LRRFIP1: variants seen among roughly 807,000 people sequenced by gnomAD.
LRRFIP1 encodes the protein LRR binding FLII interacting protein 1, also known as leucine-rich repeat flightless-interacting protein 1.
LRRFIP1 carries 62 observed loss-of-function variants against 104.4 expected under a neutral mutation model. The ratio of observed to expected loss-of-function variants is 0.59; its 90% CI spans 0.48 to 0.73. The LOEUF (loss-of-function observed/expected upper bound fraction) is 0.73, where lower values mean the gene tolerates loss of function less well. LRRFIP1 is among the 30% of genes least tolerant of loss of function. LRRFIP1 has a pLI of 0.00. For missense variants in LRRFIP1, 796 were observed against 824.5 expected (o/e 0.97, Z 0.42); for synonymous variants, 300 against 299.0 (o/e 1.00, Z -0.03).
intron 1 of LRRFIP1, among the ~76,000 whole-genome samples, chr2:237,668,308 T>C (rs546529732): frequency 6.6e-5 from 10 of 152,194 alleles, no homozygotes; most frequent in African/African-American, 1.4e-4. Context: ...AGCCTTGGGA[T>C]TGAAAACAGC....
At chr2:237,775,642 G>A (rs1468564182) in intron 23 of LRRFIP1, among the ~76,000 whole-genome samples, 1 of 152,136 alleles carries the variant, frequency 6.6e-6, no homozygotes, top group Non-Finnish European at 1.5e-5. Context: ...GACCAGTGTG[G>A]GCAACATAGT....
At position 237,772,954 on chromosome 2, in the gene LRRFIP1, A is replaced by G. The variant is rs2060775850; in HGVS notation, c.1707+9A>G. 1.2e-6 allele frequency: 2 copies of G among 1,606,110 alleles called. No individual in the cohort carries two copies. The highest frequency in any genetic ancestry group is 1.1e-5 in the South Asian group (1 of 90,868). On this transcript the variant is annotated intron_variant, in intron 22 of 23. Coordinates refer to ENST00000308482, the MANE Select transcript of LRRFIP1 (RefSeq NM_001137550.2). ...CTGCATTAGAACAAAATGTACGTGT[A>G]AGCAACAACGGGCAGAACTGATGAT...
At position 237,772,862 on chromosome 2, in the gene LRRFIP1, T is replaced by G. The variant is rs374137197; in HGVS notation, c.1628-4T>G. The G allele has an allele frequency of 3.7e-6, 6 of 1,609,992 alleles. No individual in the cohort carries two copies. The African/African-American group carries it at 6.7e-5, about 18-fold the overall frequency. The stretch of plus-strand genomic sequence containing the variant: ...ACAGATTTTCCTTCTCTTTCAACCT[T>G]TAGGGGATGCCAACAGACAGATCAG... On this transcript the variant is annotated splice_region_variant and splice_polypyrimidine_tract_variant and intron_variant, in intron 21 of 23. Coordinates refer to ENST00000308482, the MANE Select transcript of LRRFIP1 (RefSeq NM_001137550.2).
At chr2:237,737,272 C>G (rs1416420857) in intron 10 of LRRFIP1, among the ~76,000 whole-genome samples, 1 of 152,206 alleles carries the variant, frequency 6.6e-6, no homozygotes, top group Non-Finnish European at 1.5e-5. Flanking sequence ...AACATGTACC[C>G]CCTTTCCTAG....
rs1342925695 is a variant in LRRFIP1, at chr2:237,661,233, C to G, written c.96+33493C>G. On this transcript the variant is annotated intron_variant, in intron 1 of 23. Transcript: ENST00000308482. The surrounding 1 kb of genome is among the most constrained non-coding windows in gnomAD (Gnocchi z 4.4). ...GAAGTGATTGAGCTGTTTCCTGGGC[C>G]CTCTGATGATTCTCCCTCTGCCTTG... is the stretch of plus-strand genomic sequence containing the variant. Among the ~76,000 whole-genome samples, 2 of 152,128 alleles carry G rather than the reference C, an allele frequency of 1.3e-5. No individual in the cohort carries two copies. Among genetic ancestry groups the G allele is most frequent in the Admixed American group, 1.3e-4 (2 of 15,276 alleles).
At chr2:237,774,068 C>T (rs188085625) in intron 22 of LRRFIP1, 34 of 364,468 alleles carry the variant, frequency 9.3e-5, no homozygotes, top group African/African-American at 6.0e-4. Flanking sequence ...AACAGCCCCA[C>T]GCAGCGGGAG....
chr2:237,738,416 G>A (rs2095317147), intron 10 of LRRFIP1, among the ~76,000 whole-genome samples: 1 of 152,192 alleles, frequency 6.6e-6, no homozygotes. Context: ...GGAATGGAGG[G>A]GCCTTCAGCA....
At chr2:237,753,227 G>C in intron 14 of LRRFIP1, 82 bp from the exon 15 acceptor site, 1 of 1,087,348 alleles carries the variant, frequency 9.2e-7, no homozygotes, top group South Asian at 1.6e-5. Flanking sequence ...AGGACTGAGG[G>C]TTTTTTTTTA....
intron 1 of LRRFIP1, among the ~76,000 whole-genome samples, chr2:237,675,863 C>A (rs1434123473): frequency 6.6e-6 from 1 of 152,206 alleles, no homozygotes; most frequent in Non-Finnish European, 1.5e-5. Context: ...TCCAATTCTA[C>A]TTCATACTTG....
intron 1 of LRRFIP1, among the ~76,000 whole-genome samples, chr2:237,664,016 G>A (rs2088643982): frequency 6.6e-6 from 1 of 152,140 alleles, no homozygotes; most frequent in African/African-American, 2.4e-5. Context: ...TCGCCCTCAG[G>A]GCACTGGGAG....
chr2:237,771,234 A>G (rs1195025763), intron 20 of LRRFIP1, among the ~76,000 whole-genome samples: 4 of 151,216 alleles, frequency 2.6e-5, no homozygotes, highest in African/African-American at 4.9e-5. Flanking sequence ...AATTCCAACT[A>G]TACGGTCAGC....
Position 237,735,212 on chromosome 2 carries a change from TG to T in LRRFIP1, c.490-53del. On this transcript the variant is annotated intron_variant, in intron 9 of 23. Coordinates refer to ENST00000308482, the MANE Select transcript of LRRFIP1 (RefSeq NM_001137550.2). This position sits in a 1 kb window ranked among gnomAD's most constrained non-coding sequence, Gnocchi z 4.6. ...CACAGCTCACGTTTTCAGCACTTTC[TG>T]GGCACTCTTGGAGAAAGGAAGAGCG... 6.8e-7 allele frequency: 1 copy of T among 1,474,104 alleles called. No individual in the cohort carries two copies. The highest frequency in any genetic ancestry group is 9.4e-7 in the Non-Finnish European group (1 of 1,067,578). 91.3% of individuals were successfully genotyped at this position (1,474,104 alleles called of 1,614,324 possible).
chr2:237,651,299 C>T (rs901672414), intron 1 of LRRFIP1, among the ~76,000 whole-genome samples: 4 of 152,190 alleles, frequency 2.6e-5, no homozygotes, highest in African/African-American at 7.2e-5. Flanking sequence ...TTTCAGTGTG[C>T]ACATCTAAAG....
intron 14 of LRRFIP1, among the ~76,000 whole-genome samples, chr2:237,752,144 C>A (rs762492652): frequency 6.6e-6 from 1 of 152,192 alleles, no homozygotes; most frequent in Non-Finnish European, 1.5e-5. Flanking sequence ...TGGTGGCTCA[C>A]GCCTGTAATT....
At chr2:237,767,837 T>C (rs1215161213) in intron 19 of LRRFIP1, among the ~76,000 whole-genome samples, 1 of 152,216 alleles carries the variant, frequency 6.6e-6, no homozygotes, top group Non-Finnish European at 1.5e-5. Context: ...GTAAGATTTG[T>C]TCTAAACGTC....
At chr2:237,743,233 G>A (rs1171309752) in intron 11 of LRRFIP1, among the ~76,000 whole-genome samples, 1 of 151,928 alleles carries the variant, frequency 6.6e-6, no homozygotes, top group East Asian at 1.9e-4. Context: ...TCTGTAGGGA[G>A]TCCCGCCCTG....
intron 2 of LRRFIP1, among the ~76,000 whole-genome samples, chr2:237,710,269 G>A (rs990260701): frequency 3.3e-5 from 5 of 151,782 alleles, no homozygotes; most frequent in African/African-American, 4.8e-5. Context: ...AGATAAAAAC[G>A]TATTGATTGT....
At chr2:237,645,936 G>A (rs2084841889) in intron 1 of LRRFIP1, among the ~76,000 whole-genome samples, 1 of 151,882 alleles carries the variant, frequency 6.6e-6, no homozygotes, top group Non-Finnish European at 1.5e-5. Flanking sequence ...CCTAAGCTCT[G>A]GCCTGCTTCT....
intron 1 of LRRFIP1, among the ~76,000 whole-genome samples, chr2:237,659,636 T>G (rs975128957): frequency 6.7e-6 from 1 of 148,452 alleles, no homozygotes; most frequent in Non-Finnish European, 1.5e-5. Context: ...TATATTTTTA[T>G]ATACATATAA....
Sources: gnomAD v4.1 joint callset for allele counts (sites outside exome capture counted in the v4.1 genomes callset) on GRCh38, gnomAD v4.1.1 for gene constraint, Gnocchi (gnomAD v3.1) non-coding constraint, MANE v1.5 for transcripts, NCBI Gene and HGNC (gene_info 2026-07-23, HGNC 2026-07-21) for gene names.